The following SPTBN5 variants were observed in gnomAD, a reference collection of about 807,000 sequenced individuals.
The protein encoded by SPTBN5 is spectrin beta chain, non-erythrocytic 5.
Under a neutral mutation model 477.6 loss-of-function variants are expected in SPTBN5, and 513 were observed. That is an observed-to-expected ratio of 1.07 (90% CI 1.00 to 1.16). The LOEUF is 1.16. Among genes scored for constraint, SPTBN5 ranks in the 50% most tolerant of loss-of-function variants. The probability of loss-of-function intolerance (pLI) is 0.00; values close to 1 mark genes in which losing one functional copy is unlikely to be tolerated. For missense variants in SPTBN5, 5,062 were observed against 4,731.8 expected, an observed-to-expected ratio of 1.07 and a Z score of -2.05; for synonymous variants, 2,169 against 2,011.7, an observed-to-expected ratio of 1.08 and a Z score of -2.09.
chr15:41,893,378 G>A lies in SPTBN5; in HGVS notation c.120C>T (p.Tyr40=), dbSNP rs374935784. 3.0e-5 allele frequency: 49 copies of A among 1,613,762 alleles called. No homozygotes were observed. The highest frequency in any genetic ancestry group is 6.7e-5 in the Admixed American group (4 of 60,008). Residue 40 remains tyrosine, a synonymous_variant, in exon 2 of 68, where the codon TAC becomes TAT. Transcript: ENST00000320955. The part of the protein sequence containing the change: ...PSPSLTMDSQ[Y]ETGHIRKLQA... ...GTAGCTTGCGAATGTGGCCCGTCTCGTACTGAGAGTCCATGGTGAGACTTG... is the reference window on the plus strand; with the variant it reads ...GTAGCTTGCGAATGTGGCCCGTCTCATACTGAGAGTCCATGGTGAGACTTG...
chr15:41,865,413 T>C (rs1392173354), intron 39 of SPTBN5, among the ~76,000 whole-genome samples: 3 of 152,192 alleles, frequency 2.0e-5, no homozygotes, highest in Non-Finnish European at 1.5e-5. Context: ...CCAGCTTCCC[T>C]TACAGCAGCA....
At chr15:41,879,916 C>T in intron 14 of SPTBN5, 52 bp from the exon 15 acceptor site, 1 of 1,608,352 alleles carries the variant, frequency 6.2e-7, no homozygotes, top group Non-Finnish European at 8.5e-7. Flanking sequence ...TCTTTCCACA[C>T]TCCCCTCTAG....
chr15:41,891,464 TTGTC>T (rs1044892325), intron 3 of SPTBN5, among the ~76,000 whole-genome samples: 1 of 152,174 alleles, frequency 6.6e-6, no homozygotes, highest in African/African-American at 2.4e-5. Flanking sequence ...AGTGGGGTGT[TTGTC>T]TGCTCCTCCC....
Position 41,853,677 on chromosome 15 carries a change from G to C in SPTBN5, c.9885C>G (p.Ala3295=), listed in dbSNP as rs540462081. ...GGGCCTTCGCCTGCAGGGTGGCCCAGGCCTCCTGCACCTTGGCCAGGCCCC... is the reference window on the plus strand; with the variant it reads ...GGGCCTTCGCCTGCAGGGTGGCCCACGCCTCCTGCACCTTGGCCAGGCCCC... ...APGGLAKVQE[A]WATLQAKAQE... Residue 3295 remains alanine (A), a synonymous_variant, in exon 58 of 68, where the codon GCC becomes GCG. Transcript: ENST00000320955. The C allele has an allele frequency of 1.2e-6, 2 of 1,601,938 alleles. No individual in the cohort carries two copies. The highest frequency in any genetic ancestry group is 2.7e-5 in the African/African-American group (2 of 74,976).
At chr15:41,884,003 T>G (rs1015073626) in intron 7 of SPTBN5, among the ~76,000 whole-genome samples, 1 of 152,076 alleles carries the variant, frequency 6.6e-6, no homozygotes, top group Non-Finnish European at 1.5e-5. Flanking sequence ...TATTTATTTT[T>G]GAGACAGAGT....
intron 53 of SPTBN5, 85 bp downstream of exon 53, chr15:41,856,296 CCCAGG>C: frequency 8.1e-7 from 1 of 1,229,744 alleles, no homozygotes. Flanking sequence ...ACGAAAGGTG[CCCAGG>C]CCAGGAGCCC....
rs1396286114 is a variant in SPTBN5, at chr15:41,888,032, G to A, written c.555C>T (p.Val185=). 6.3e-7 allele frequency: 1 copy of A among 1,588,174 alleles called. No homozygotes were observed. Among genetic ancestry groups the A allele is most frequent in the Non-Finnish European group, 8.6e-7 (1 of 1,167,532 alleles). The change falls in exon 5 of 68, where the codon GTC becomes GTT. Residue 185 remains valine, a synonymous_variant. Coordinates refer to ENST00000320955, the MANE Select transcript of SPTBN5 (RefSeq NM_016642.4). ...ALLSTKEALL[V]WCQRKTASYT... is the part of the protein sequence containing the mutation. ...AGCTGGCTGTCTTCCGCTGGCACCA[G>A]ACCAGCAGGGCTTCCTTGGTGGACA...
Position 41,893,011 on chromosome 15 carries a change from G to A in SPTBN5, c.267C>T (p.His89=). 1 of 1,611,228 alleles carries A rather than the reference G, an allele frequency of 6.2e-7. No individual in the cohort carries two copies. ...NLYTELADGI[H]LLRLLELISG... ...AGATGAGCTCCAGCAGCCGCAGGAG[G>A]TGGATGCCGTCAGCCAGCTCTGTGT... Residue 89 remains histidine (H), a synonymous_variant, in exon 3 of 68, where the codon CAC becomes CAT. Transcript: ENST00000320955.
chr15:41,866,688 C>T lies in SPTBN5; in HGVS notation c.6481-195G>A, dbSNP rs1380828540. 29 of 765,040 alleles carry T rather than the reference C, an allele frequency of 3.8e-5. No individual in the cohort carries two copies. The South Asian group carries it at 5.2e-4, about 14-fold the overall frequency. 47.4% of individuals were successfully genotyped at this position (765,040 alleles called of 1,614,324 possible). On this transcript the variant is annotated intron_variant, in intron 36 of 67. Transcript: ENST00000320955. ...CCGGGCAGGGCCTTGGGTGGGCTCT[C>T]GTTTTGGAGGTGTGGCCCCTACTCC...
At chr15:41,893,790 T>C in intron 1 of SPTBN5, 109 bp downstream of exon 1, 1 of 517,196 alleles carries the variant, frequency 1.9e-6, no homozygotes, top group East Asian at 3.2e-5. Flanking sequence ...CCACAGTGAC[T>C]GGGACAGGTG....
In SPTBN5 at chr15:41,851,051, C is replaced by G. The variant is rs1316239465; in HGVS notation, c.10835+8G>C. 5.6e-6 allele frequency: 9 copies of G among 1,609,976 alleles called. No individual in the cohort carries two copies. Among genetic ancestry groups the G allele is most frequent in the Non-Finnish European group, 7.6e-6 (9 of 1,178,548 alleles). ...GGGTGATGCCGGAGTCCATGTCTCT[C>G]CGCTCACCTTAAGGAGAATGTGTGT... On this transcript the variant is annotated splice_region_variant and intron_variant, in intron 65 of 67. Coordinates refer to ENST00000320955, the MANE Select transcript of SPTBN5 (RefSeq NM_016642.4).
chr15:41,852,070 G>A, intron 62 of SPTBN5, 112 bp downstream of exon 62: 1 of 1,355,678 alleles, frequency 7.4e-7, no homozygotes, highest in South Asian at 1.4e-5. Flanking sequence ...CCTGTGCCCG[G>A]GCTCCCAGCA....
chr15:41,856,470 C>A lies in SPTBN5; in HGVS notation c.8937G>T (p.Lys2979Asn). 6.3e-7 allele frequency: 1 copy of A among 1,597,530 alleles called. No homozygotes were observed. Among genetic ancestry groups the A allele is most frequent in the East Asian group, 2.3e-5 (1 of 44,046 alleles). The change falls in exon 53 of 68, where the codon AAG becomes AAT. Residue 2979 changes from lysine (K) to asparagine (N), a missense_variant. By Grantham distance (94) the Lys-to-Asn change is moderately conservative (BLOSUM62 0). Coordinates refer to ENST00000320955, the MANE Select transcript of SPTBN5 (RefSeq NM_016642.4). ...EVAARVQQLEKAMAHLRAEAA... is the reference protein window; with the variant it reads ...EVAARVQQLENAMAHLRAEAA... ...CCTCTGCCCGCAGGTGGGCCATGGC[C>A]TTCTCCAGCTGCTGCACCCGGGCGG...
chr15:41,881,888 G>T, intron 12 of SPTBN5, 48 bp downstream of exon 12: 1 of 1,478,182 alleles, frequency 6.8e-7, no homozygotes, highest in Non-Finnish European at 8.9e-7. Flanking sequence ...TGGCCCAGCC[G>T]CGGTGGAGCA....
Position 41,860,699 on chromosome 15 carries a change from C to T in SPTBN5, c.7875G>A (p.Leu2625=), listed in dbSNP as rs573199807. 5.6e-6 allele frequency: 9 copies of T among 1,599,106 alleles called. No individual in the cohort carries two copies. The East Asian group carries it at 1.8e-4, about 32-fold the overall frequency. Reference sequence around the variant, plus strand: ...CACTGATCTTTCCCGCCTGCACCTCCAGGTCCCACTCCAGCATCTTGTGCT... The same window carrying T: ...CACTGATCTTTCCCGCCTGCACCTCTAGGTCCCACTCCAGCATCTTGTGCT... ...LWKHKMLEWD[L]EVQAGKISAL... is the part of the protein sequence containing the mutation. The change falls in exon 47 of 68, where the codon CTG becomes CTA. Residue 2625 remains leucine, a synonymous_variant. Coordinates refer to ENST00000320955, the MANE Select transcript of SPTBN5 (RefSeq NM_016642.4).
At chr15:41,877,577 A>T (rs1389104470) in intron 17 of SPTBN5, among the ~76,000 whole-genome samples, 1 of 152,250 alleles carries the variant, frequency 6.6e-6, no homozygotes, top group Non-Finnish European at 1.5e-5. Context: ...GGCCTAGAGG[A>T]CATGCGGAGG....
In SPTBN5 at chr15:41,874,585, T is replaced by C. The variant is rs537194316; in HGVS notation, c.4503-107A>G. ...GCCCGTGAAGAACAAGACCAGGGAATAGAGCAAAGCCTCATCTGACAAAGG... is the reference window on the plus strand; with the variant it reads ...GCCCGTGAAGAACAAGACCAGGGAACAGAGCAAAGCCTCATCTGACAAAGG... On this transcript the variant is annotated intron_variant, in intron 23 of 67. Transcript: ENST00000320955. The C allele has an allele frequency of 6.8e-5, 70 of 1,023,726 alleles. No homozygotes were observed. The South Asian group carries it at 7.0e-4, about 10-fold the overall frequency. 63.4% of individuals were successfully genotyped at this position (1,023,726 alleles called of 1,614,324 possible).
At position 41,893,915 on chromosome 15, in the gene SPTBN5, T is replaced by G; in HGVS notation, c.-66A>C. The G allele has an allele frequency of 8.5e-6, 2 of 235,556 alleles. No individual in the cohort carries two copies. Among genetic ancestry groups the G allele is most frequent in the Non-Finnish European group, 1.7e-5 (2 of 118,806 alleles). The allele number at this position is 235,556 out of a possible 1,614,324, so 14.6% of individuals were successfully genotyped here. A position where few individuals can be genotyped will look rare whatever the true frequency, so the allele number is the denominator to read the frequency against. The stretch of plus-strand genomic sequence containing the variant: ...GCTGCTTACCTTGGTGATGCCTGGG[T>G]TCCACAGAGGCGGCCCAGCTGGACG... On this transcript the variant is annotated 5_prime_UTR_variant, in exon 1 of 68. Coordinates refer to ENST00000320955, the MANE Select transcript of SPTBN5 (RefSeq NM_016642.4).
chr15:41,878,683 C>A, intron 16 of SPTBN5, 54 bp from the exon 17 acceptor site: 2 of 1,544,320 alleles, frequency 1.3e-6, no homozygotes, highest in East Asian at 2.3e-5. Context: ...CCTGGTGCCC[C>A]AGGCACATGT....
Sources: gnomAD v4.1 joint callset for allele counts (sites outside exome capture counted in the v4.1 genomes callset) on GRCh38, gnomAD v4.1.1 for gene constraint, MANE v1.5 for transcripts, NCBI Gene and HGNC (gene_info 2026-07-23, HGNC 2026-07-21) for gene names.